Variants in RIPOR2 observed in about 807,000 individuals in gnomAD.
RIPOR2 encodes the protein rho family-interacting cell polarization regulator 2.
RIPOR2 carries 39 observed loss-of-function variants against 114.5 expected under a neutral mutation model. That is an observed-to-expected ratio of 0.34 (90% CI 0.26 to 0.44). The LOEUF is 0.44. Among genes scored for constraint, RIPOR2 ranks in the 20% least tolerant of loss-of-function variants. RIPOR2 has a pLI of 1.00. For missense variants in RIPOR2, 1,007 were observed against 1,255.1 expected, an observed-to-expected ratio of 0.80 and a Z score of 2.99; for synonymous variants, 445 against 484.4, an observed-to-expected ratio of 0.92 and a Z score of 1.07.
intron 1 of RIPOR2, among the ~76,000 whole-genome samples, chr6:25,005,753 C>T (rs1170882071): frequency 1.3e-5 from 1 of 78,178 alleles, no homozygotes; most frequent in Admixed American, 1.5e-4. Flanking sequence ...ATTTACCGAT[C>T]AAAAGATATG....
intron 21 of RIPOR2, among the ~76,000 whole-genome samples, chr6:24,809,114 C>T (rs867476230): frequency 6.6e-6 from 1 of 151,952 alleles, no homozygotes; most frequent in Non-Finnish European, 1.5e-5. Flanking sequence ...TCCCAAGTCC[C>T]CAAAAAAGAA....
upstream of RIPOR2, among the ~76,000 whole-genome samples, chr6:24,937,574 C>G (rs1771885634): frequency 6.6e-6 from 1 of 152,082 alleles, no homozygotes; most frequent in South Asian, 2.1e-4. Context: ...TTAAAATGGG[C>G]CTAGGTGTAG....
intron 1 of RIPOR2, among the ~76,000 whole-genome samples, chr6:24,934,881 G>A (rs1431396247): frequency 6.6e-6 from 1 of 152,168 alleles, no homozygotes; most frequent in Non-Finnish European, 1.5e-5. Context: ...GCTGCAAGAT[G>A]AGAACAGAAA....
At chr6:24,983,121 G>A (rs555171051) in intron 1 of RIPOR2, among the ~76,000 whole-genome samples, 14 of 151,876 alleles carry the variant, frequency 9.2e-5, no homozygotes, top group East Asian at 3.9e-4. Flanking sequence ...GTTGCAGTCC[G>A]CAAACTTGGC....
rs35374726 is a variant in RIPOR2, at chr6:24,828,090, C to T, written c.2665+47G>A. On this transcript the variant is annotated intron_variant, in intron 18 of 21. Coordinates refer to ENST00000643898, the MANE Select transcript of RIPOR2 (RefSeq NM_001286445.3). Reference sequence around the variant, plus strand: ...CCATGATTTAAAAGAGCAGAGATAACGCCAAATTGAGCCACCACTACAATG... The same window carrying T: ...CCATGATTTAAAAGAGCAGAGATAATGCCAAATTGAGCCACCACTACAATG... The T allele has an allele frequency of 0.65, 937,545 of 1,446,690 alleles. 309,046 individuals are homozygous for T. The highest frequency in any genetic ancestry group is 0.73 in the East Asian group (27,497 of 37,802). 89.6% of individuals were successfully genotyped at this position (1,446,690 alleles called of 1,614,324 possible).
rs367548291 is a variant in RIPOR2, at chr6:25,038,194, A to T, written c.76+3657T>A. Reference sequence around the variant, plus strand: ...AAACAAATGAGCAAACAAAAAACCTAAAGCTTTCCAGTAGCTCAAAATCGA... The same window carrying T: ...AAACAAATGAGCAAACAAAAAACCTTAAGCTTTCCAGTAGCTCAAAATCGA... On this transcript the variant is annotated intron_variant, in intron 1 of 13. Coordinates refer to the RIPOR2 transcript ENST00000510784. 5.2e-5 allele frequency among the ~76,000 whole-genome samples: 8 copies of T among 152,388 alleles called. No individual in the cohort carries two copies. The East Asian group carries it at 1.2e-3, about 22-fold the overall frequency.
At chr6:24,899,970 CTTT>C (rs1362985748) in intron 1 of RIPOR2, among the ~76,000 whole-genome samples, 1 of 152,158 alleles carries the variant, frequency 6.6e-6, no homozygotes, top group South Asian at 2.1e-4. Flanking sequence ...AATAATGAAC[CTTT>C]CAGATGGAGG....
At chr6:24,995,933 G>A (rs1775026245) in intron 1 of RIPOR2, among the ~76,000 whole-genome samples, 1 of 151,768 alleles carries the variant, frequency 6.6e-6, no homozygotes, top group Non-Finnish European at 1.5e-5. Context: ...CTCCCTAGGA[G>A]CTGGGACTAC....
upstream of RIPOR2, chr6:24,936,053 G>A: frequency 1.7e-6 from 1 of 600,826 alleles, no homozygotes; most frequent in South Asian, 2.0e-5. Flanking sequence ...TCATTCATAT[G>A]AATAGGCTTC....
rs1272231205 is a variant in RIPOR2, at chr6:24,977,390, G to A, written c.76+64461C>T. Among the ~76,000 whole-genome samples, 11 of 146,772 alleles carry A rather than the reference G, an allele frequency of 7.5e-5. No homozygotes were observed. In the Admixed American group the frequency reaches 7.7e-4, roughly 10 times the overall value. Reference sequence around the variant, plus strand: ...ATGTGTCCCCCCTTCCCTTTTTTTGGTATGCCTTTTAAATCATAATAAAGG... The same window carrying A: ...ATGTGTCCCCCCTTCCCTTTTTTTGATATGCCTTTTAAATCATAATAAAGG... On this transcript the variant is annotated intron_variant, in intron 1 of 13. Transcript: ENST00000510784.
chr6:24,840,116 A>AT, intron 13 of RIPOR2: 1 of 730,808 alleles, frequency 1.4e-6, no homozygotes, highest in Non-Finnish European at 1.7e-6. Context: ...CACCAGGCTA[A>AT]TTTTTTTCTT....
chr6:24,861,106 G>A (rs1048795377), intron 7 of RIPOR2, 70 bp from the exon 8 acceptor site: 32 of 1,016,250 alleles, frequency 3.1e-5, no homozygotes, highest in Non-Finnish European at 4.1e-5. Flanking sequence ...CACGACGTTC[G>A]AACAGCAGCA....
At chr6:24,981,511 C>T (rs1179289561) in intron 1 of RIPOR2, among the ~76,000 whole-genome samples, 1 of 152,230 alleles carries the variant, frequency 6.6e-6, no homozygotes, top group Non-Finnish European at 1.5e-5. Flanking sequence ...TCTGATTATG[C>T]TAGCCAGCTA....
chr6:24,863,171 T>G (rs546207297), intron 7 of RIPOR2, among the ~76,000 whole-genome samples: 132 of 152,212 alleles, frequency 8.7e-4, no homozygotes, highest in East Asian at 5.0e-3. Context: ...TGGGCTAGTC[T>G]TGAACTCCTG....
In RIPOR2 at chr6:24,848,184, C is replaced by T. The variant is rs749879259; in HGVS notation, c.1035-30G>A. ...AAAACAACAGGTCCCCAGGTATGCA[C>T]ATTTGGCAAAATCACCTATCATCAA... On this transcript the variant is annotated intron_variant, in intron 11 of 21. Transcript: ENST00000643898. 5.0e-6 allele frequency: 8 copies of T among 1,609,698 alleles called. No individual in the cohort carries two copies. The Admixed American group carries it at 6.7e-5, about 14-fold the overall frequency.
At chr6:24,818,445 A>G (rs889774884) in intron 20 of RIPOR2, 97 bp downstream of exon 20, 1 of 608,084 alleles carries the variant, frequency 1.6e-6, no homozygotes, top group Non-Finnish European at 2.7e-6. Context: ...TACTGCTAAA[A>G]AAGTACTTTC....
chr6:24,914,940 T>C (rs1410040125), intron 1 of RIPOR2, among the ~76,000 whole-genome samples: 6 of 152,212 alleles, frequency 3.9e-5, no homozygotes, highest in Non-Finnish European at 8.8e-5. Context: ...CCGACCCTTA[T>C]CTATCTATCT....
chr6:24,953,352 G>A (rs1259122934), intron 1 of RIPOR2, among the ~76,000 whole-genome samples: 1 of 151,960 alleles, frequency 6.6e-6, no homozygotes. Flanking sequence ...AAAAATTAAG[G>A]TTAAATGAAA....
intron 1 of RIPOR2, among the ~76,000 whole-genome samples, chr6:25,001,042 T>C (rs1438774134): frequency 1.3e-5 from 2 of 152,230 alleles, no homozygotes; most frequent in African/African-American, 4.8e-5. Flanking sequence ...ATGTCCTGCT[T>C]AGAATTCAAT....
Sources: gnomAD v4.1 joint callset for allele counts (sites outside exome capture counted in the v4.1 genomes callset) on GRCh38, gnomAD v4.1.1 for gene constraint, MANE v1.5 for transcripts, NCBI Gene and HGNC (gene_info 2026-07-23, HGNC 2026-07-21) for gene names.